The following HDAC8 variants were observed in gnomAD, a reference collection of about 807,000 sequenced individuals.
HDAC8 encodes histone deacetylase-like 1.
Under a neutral mutation model 32.2 loss-of-function variants are expected in HDAC8, and 1 was observed. The ratio of observed to expected loss-of-function variants is 0.03; its 90% CI spans 0.01 to 0.15. HDAC8 has a LOEUF of 0.15. HDAC8 is among the 10% of genes least tolerant of loss of function. The pLI is 1.00. For synonymous variants in HDAC8, 108 were observed against 113.9 expected, an observed-to-expected ratio of 0.95 and a Z score of 0.33; for missense variants, 117 against 300.0, an observed-to-expected ratio of 0.39 and a Z score of 4.51.
chrX:72,336,734 C>T (rs782814204), intron 10 of HDAC8, among the ~76,000 whole-genome samples: 11 of 110,387 alleles, frequency 1.0e-4, no homozygotes, highest in Non-Finnish European at 2.1e-4. Context: ...CTCGCTTTTG[C>T]CCATTTTAAT....
chrX:72,524,057 A>G (rs2050062506), intron 4 of HDAC8, among the ~76,000 whole-genome samples: 1 of 112,261 alleles, frequency 8.9e-6, no homozygotes, highest in Non-Finnish European at 1.9e-5. Flanking sequence ...ATTCATTCCA[A>G]TATTGTCTAT....
intron 4 of HDAC8, among the ~76,000 whole-genome samples, chrX:72,506,647 C>T (rs1556019145): frequency 9.0e-6 from 1 of 111,131 alleles, no homozygotes; most frequent in Non-Finnish European, 1.9e-5. Context: ...TTAAATTCAA[C>T]ATGAGTTTTG....
At chrX:72,487,731 TAA>T (rs782775030) in intron 7 of HDAC8, among the ~76,000 whole-genome samples, 91 of 74,897 alleles carry the variant, frequency 1.2e-3, no homozygotes, top group Admixed American at 1.8e-3. Context: ...TCTGTTATGG[TAA>T]AAAAAAAAAA....
intron 9 of HDAC8, among the ~76,000 whole-genome samples, chrX:72,460,302 A>G (rs1008977358): frequency 1.8e-5 from 2 of 110,078 alleles, no homozygotes; most frequent in African/African-American, 6.6e-5. Flanking sequence ...ACGCCCAGCT[A>G]ATTTTTTGTA....
chrX:72,440,439 T>A (rs1457755037), intron 9 of HDAC8, among the ~76,000 whole-genome samples: 1 of 108,447 alleles, frequency 9.2e-6, no homozygotes, highest in Non-Finnish European at 1.9e-5. Context: ...GTAAACAAAT[T>A]CAAAAGCTAG....
chrX:72,487,685 A>G (rs1283492469), intron 7 of HDAC8, among the ~76,000 whole-genome samples: 1 of 107,250 alleles, frequency 9.3e-6, no homozygotes, highest in Non-Finnish European at 1.9e-5. Context: ...TCGAGGAGAC[A>G]CTGTGGACAG....
intron 10 of HDAC8, among the ~76,000 whole-genome samples, chrX:72,341,740 G>A (rs1256557731): frequency 9.0e-6 from 1 of 111,259 alleles, no homozygotes; most frequent in Non-Finnish European, 1.9e-5. Flanking sequence ...GCTTGGGACT[G>A]CCGTCTCTCT....
chrX:72,339,947 A>G (rs1302616749), intron 10 of HDAC8, among the ~76,000 whole-genome samples: 3 of 111,977 alleles, frequency 2.7e-5, no homozygotes, highest in Non-Finnish European at 5.6e-5. Context: ...AAAACTGCCA[A>G]TCACCACTTG....
At chrX:72,452,033 T>A (rs1300684735) in intron 9 of HDAC8, among the ~76,000 whole-genome samples, 1 of 112,394 alleles carries the variant, frequency 8.9e-6, no homozygotes, top group Non-Finnish European at 1.9e-5. Context: ...AAAAAAAGAA[T>A]ACTAGAAATA....
chrX:72,339,622 G>A (rs1206217035), intron 10 of HDAC8, among the ~76,000 whole-genome samples: 4 of 111,991 alleles, frequency 3.6e-5, no homozygotes, highest in Non-Finnish European at 7.5e-5. Flanking sequence ...CTGGAGAGGT[G>A]GCCAGAGGCC....
At chrX:72,386,690 C>A (rs2045438995) in intron 9 of HDAC8, among the ~76,000 whole-genome samples, 1 of 111,520 alleles carries the variant, frequency 9.0e-6, no homozygotes. Context: ...AGATGAGGAA[C>A]CTAACAGATA....
intron 9 of HDAC8, among the ~76,000 whole-genome samples, chrX:72,449,904 A>T (rs184392576): frequency 8.9e-5 from 10 of 112,237 alleles, no homozygotes; most frequent in African/African-American, 2.9e-4. Flanking sequence ...ACAATATGAT[A>T]TAGCATTTGC....
chrX:72,379,088 C>T (rs941741140), intron 9 of HDAC8, among the ~76,000 whole-genome samples: 2 of 111,371 alleles, frequency 1.8e-5, no homozygotes, highest in Admixed American at 1.9e-4. Context: ...GAACTCCTGA[C>T]CTCAGGTGAT....
intron 4 of HDAC8, among the ~76,000 whole-genome samples, chrX:72,550,010 A>G (rs1180635465): frequency 8.9e-6 from 1 of 112,045 alleles, no homozygotes; most frequent in African/African-American, 3.2e-5. Flanking sequence ...CTCACTGTCT[A>G]AAGCTGAAGT....
intron 2 of HDAC8, 158 bp downstream of exon 2, chrX:72,571,899 C>T: frequency 2.2e-6 from 1 of 454,505 alleles, no homozygotes; most frequent in South Asian, 4.9e-5. Context: ...CAAGAGCTTT[C>T]TTGGGATTAC....
intron 4 of HDAC8, among the ~76,000 whole-genome samples, chrX:72,511,303 C>A (rs1312574067): frequency 9.0e-6 from 1 of 111,378 alleles, no homozygotes; most frequent in Non-Finnish European, 1.9e-5. Context: ...ATTTAATGAA[C>A]TTAAAAACCT....
intron 4 of HDAC8, among the ~76,000 whole-genome samples, chrX:72,530,195 A>G (rs2050285365): frequency 8.9e-6 from 1 of 112,077 alleles, no homozygotes; most frequent in African/African-American, 3.2e-5. Flanking sequence ...CCCCTTGACT[A>G]GGTCACCTTG....
chrX:72,380,385 C>T (rs1351093138), intron 9 of HDAC8, among the ~76,000 whole-genome samples: 6 of 111,672 alleles, frequency 5.4e-5, no homozygotes, highest in African/African-American at 1.6e-4. Flanking sequence ...CTAGACAGGC[C>T]AAATATTAAT....
At chrX:72,440,763 G>A (rs1178882115) in intron 9 of HDAC8, among the ~76,000 whole-genome samples, 3 of 111,981 alleles carry the variant, frequency 2.7e-5, no homozygotes, top group Non-Finnish European at 5.6e-5. Flanking sequence ...AGGGGTCAGG[G>A]AGTTCCCTTT....
Sources: gnomAD v4.1 joint callset for allele counts (sites outside exome capture counted in the v4.1 genomes callset) on GRCh38, gnomAD v4.1.1 for gene constraint, MANE v1.5 for transcripts, NCBI Gene and HGNC (gene_info 2026-07-23, HGNC 2026-07-21) for gene names.